Variants in UGT1A10 observed in about 807,000 individuals in gnomAD.
The protein encoded by UGT1A10 is UDP glucuronosyltransferase family 1 member A10.
A neutral mutation model predicts 45.8 loss-of-function variants in UGT1A10; 49 were observed. That is an observed-to-expected ratio of 1.07 (90% CI 0.85 to 1.36). UGT1A10 has a LOEUF of 1.36. UGT1A10 is among the 40% of genes most tolerant of loss of function. The pLI, the probability that UGT1A10 is intolerant of heterozygous loss-of-function variation, is 0.00. For missense variants in UGT1A10, 745 were observed against 668.6 expected (o/e 1.11, Z -1.26); for synonymous variants, 284 against 249.7 (o/e 1.14, Z -1.29).
intron 1 of UGT1A10, among the ~76,000 whole-genome samples, chr2:233,680,219 T>A (rs1041859800): frequency 6.6e-6 from 1 of 152,186 alleles, no homozygotes; most frequent in Non-Finnish European, 1.5e-5. Flanking sequence ...TATAGTCCCA[T>A]GGTGGTATTC....
chr2:233,697,384 C>T (rs2075388171), intron 1 of UGT1A10, among the ~76,000 whole-genome samples: 1 of 152,004 alleles, frequency 6.6e-6, no homozygotes, highest in Non-Finnish European at 1.5e-5. Context: ...ACAATAATCG[C>T]TAATGATCCT....
intron 1 of UGT1A10, chr2:233,741,767 G>A (rs1691768451): frequency 6.6e-6 from 1 of 151,872 alleles, no homozygotes; most frequent in South Asian, 2.1e-4. Flanking sequence ...ATGTGTTCAG[G>A]CCATGATTTT....
intron 1 of UGT1A10, among the ~76,000 whole-genome samples, chr2:233,763,329 T>C (rs752568926): frequency 2.0e-5 from 3 of 152,234 alleles, no homozygotes; most frequent in Non-Finnish European, 2.9e-5. Flanking sequence ...ATTATTTTTG[T>C]TTACATTTCC....
Position 233,647,943 on chromosome 2 carries a change from C to A in UGT1A10, c.855+10566C>A, listed in dbSNP as rs2073643876. ...ATCACTCACTGCCCATGGATGGGAG[C>A]CACTGGTTCACCATGTGGTCGGTGG... On this transcript the variant is annotated intron_variant, in intron 1 of 4. Transcript: ENST00000344644. The A allele has an allele frequency of 5.6e-6, 9 of 1,605,486 alleles. No homozygotes were observed. In the South Asian group the frequency reaches 9.9e-5, roughly 18 times the overall value.
chr2:233,699,578 A>G (rs2075513804), intron 1 of UGT1A10, among the ~76,000 whole-genome samples: 1 of 152,218 alleles, frequency 6.6e-6, no homozygotes, highest in Non-Finnish European at 1.5e-5. Context: ...TGGCTCTAGG[A>G]CATCCTTTCT....
intron 1 of UGT1A10, among the ~76,000 whole-genome samples, chr2:233,701,439 A>G (rs557016008): frequency 1.8e-4 from 27 of 152,274 alleles, no homozygotes; most frequent in Admixed American, 1.6e-3. Flanking sequence ...GATCAACGAG[A>G]CAGAAAGTTA....
chr2:233,758,819 C>G (rs577329711), intron 1 of UGT1A10, among the ~76,000 whole-genome samples: 1 of 152,190 alleles, frequency 6.6e-6, no homozygotes, highest in African/African-American at 2.4e-5. Flanking sequence ...AGCAGTATAT[C>G]CCCCCCAAAA....
At chr2:233,755,453 T>A (rs1392430727) in intron 1 of UGT1A10, 2 of 305,122 alleles carry the variant, frequency 6.6e-6, no homozygotes, top group Non-Finnish European at 1.3e-5. Context: ...CTCCTGGGAC[T>A]GGCCCTGCTC....
intron 1 of UGT1A10, among the ~76,000 whole-genome samples, chr2:233,684,874 G>A (rs2074706964): frequency 6.6e-6 from 1 of 152,158 alleles, no homozygotes; most frequent in Non-Finnish European, 1.5e-5. Context: ...TTTCATATGG[G>A]CAGGGTGTGT....
At chr2:233,743,741 G>A (rs374389189) in intron 1 of UGT1A10, 31 of 1,367,230 alleles carry the variant, frequency 2.3e-5, no homozygotes, top group Admixed American at 3.8e-5. Flanking sequence ...GCGTTTCTTG[G>A]CGTCCGACAA....
At chr2:233,771,792 C>T (rs974191909) in intron 4 of UGT1A10, among the ~76,000 whole-genome samples, 6 of 151,492 alleles carry the variant, frequency 4.0e-5, no homozygotes, top group Non-Finnish European at 8.8e-5. Context: ...CTCTCCCTCC[C>T]TCCCTCCCTC....
intron 1 of UGT1A10, among the ~76,000 whole-genome samples, chr2:233,647,229 T>A (rs1487158126): frequency 6.6e-6 from 1 of 152,190 alleles, no homozygotes; most frequent in African/African-American, 2.4e-5. Flanking sequence ...TTGTGGGAGT[T>A]CCAATTCAAG....
intron 1 of UGT1A10, among the ~76,000 whole-genome samples, chr2:233,756,691 G>C (rs1044916114): frequency 6.6e-6 from 1 of 152,108 alleles, no homozygotes; most frequent in Non-Finnish European, 1.5e-5. Flanking sequence ...ATATAATGAC[G>C]ATGAATTTTG....
intron 1 of UGT1A10, among the ~76,000 whole-genome samples, chr2:233,720,981 G>T (rs746699495): frequency 6.6e-6 from 1 of 151,748 alleles, no homozygotes; most frequent in Non-Finnish European, 1.5e-5. Context: ...AAAGTGCTGG[G>T]ATTACAGGCA....
intron 1 of UGT1A10, among the ~76,000 whole-genome samples, chr2:233,686,527 A>T (rs1171865612): frequency 2.0e-5 from 3 of 152,114 alleles, no homozygotes; most frequent in Non-Finnish European, 2.9e-5. Flanking sequence ...CCTGCGTTAG[A>T]ACCTAACCTT....
chr2:233,757,537 T>TATATATACATATACATATAC (rs1472416448), intron 1 of UGT1A10, among the ~76,000 whole-genome samples: 1 of 107,778 alleles, frequency 9.3e-6, no homozygotes, highest in African/African-American at 4.7e-5. Flanking sequence ...CTGTAAGGAA[T>TATATATACATATACATATAC]ATATATATAT....
chr2:233,726,571 G>C (rs949058531), intron 1 of UGT1A10, among the ~76,000 whole-genome samples: 3 of 152,106 alleles, frequency 2.0e-5, no homozygotes, highest in African/African-American at 7.2e-5. Context: ...TCTTACGCCT[G>C]TCTCCTTCAC....
chr2:233,679,237 G>A (rs1025711851), intron 1 of UGT1A10, among the ~76,000 whole-genome samples: 1 of 152,166 alleles, frequency 6.6e-6, no homozygotes, highest in Non-Finnish European at 1.5e-5. Context: ...GTCCAATATC[G>A]AAAGAACTTT....
intron 1 of UGT1A10, among the ~76,000 whole-genome samples, chr2:233,638,013 G>T (rs1396206171): frequency 6.6e-6 from 1 of 151,958 alleles, no homozygotes; most frequent in Non-Finnish European, 1.5e-5. Context: ...TGTGAATAAG[G>T]CTGTGTAAAC....
Sources: allele counts gnomAD v4.1 joint callset (sites outside exome capture counted in the v4.1 genomes callset), GRCh38; gene constraint gnomAD v4.1.1; transcripts MANE v1.5; gene names NCBI Gene and HGNC (gene_info 2026-07-23, HGNC 2026-07-21).